The following FRMD4B variants were observed in gnomAD, a reference collection of about 807,000 sequenced individuals.
The protein encoded by FRMD4B is FERM domain containing 4B.
A neutral mutation model predicts 141.5 loss-of-function variants in FRMD4B; 74 were observed. That is an observed-to-expected ratio of 0.52 (90% confidence interval 0.43 to 0.63). The LOEUF (loss-of-function observed/expected upper bound fraction) is 0.63, where lower values mean the gene tolerates loss of function less well. Among genes scored for constraint, FRMD4B ranks in the 30% least tolerant of loss-of-function variants. The pLI is 0.00. For synonymous variants in FRMD4B, 506 were observed against 467.9 expected (o/e 1.08, Z -1.05); for missense variants, 1,366 against 1,253.4 (o/e 1.09, Z -1.36).
chr3:69,236,674 G>A (rs1295982501), intron 7 of FRMD4B, among the ~76,000 whole-genome samples: 1 of 152,078 alleles, frequency 6.6e-6, no homozygotes, highest in Non-Finnish European at 1.5e-5. Flanking sequence ...ACCACACAAG[G>A]TATTCCTGAA....
At chr3:69,459,643 A>C (rs1050626049) in intron 1 of FRMD4B, among the ~76,000 whole-genome samples, 2 of 152,194 alleles carry the variant, frequency 1.3e-5, no homozygotes, top group African/African-American at 4.8e-5. Flanking sequence ...TAGCCATGTG[A>C]CCTTGGGCAA....
intron 4 of FRMD4B, among the ~76,000 whole-genome samples, chr3:69,301,108 A>C (rs985250357): frequency 6.6e-6 from 1 of 152,054 alleles, no homozygotes; most frequent in Non-Finnish European, 1.5e-5. Context: ...TACACACCCA[A>C]GGAAAGATCT....
chr3:69,263,215 C>T (rs1407116704), intron 5 of FRMD4B, among the ~76,000 whole-genome samples: 2 of 151,890 alleles, frequency 1.3e-5, no homozygotes, highest in African/African-American at 4.8e-5. Context: ...CGAGTTTGTG[C>T]CACTGCACTC....
intron 11 of FRMD4B, among the ~76,000 whole-genome samples, chr3:69,215,988 T>C (rs2093136252): frequency 6.6e-6 from 1 of 152,128 alleles, no homozygotes; most frequent in Non-Finnish European, 1.5e-5. Flanking sequence ...ACCCCGTCTC[T>C]ACTAAAAGTA....
chr3:69,389,898 T>TTTTC (rs1287216959), upstream of FRMD4B, among the ~76,000 whole-genome samples: 1 of 128,574 alleles, frequency 7.8e-6, no homozygotes, highest in Non-Finnish European at 1.7e-5. Flanking sequence ...TTGTCTTGCT[T>TTTTC]TTTCTTTCTT....
chr3:69,483,814 T>C (rs1219832868), intron 1 of FRMD4B, among the ~76,000 whole-genome samples: 1 of 152,186 alleles, frequency 6.6e-6, no homozygotes, highest in Non-Finnish European at 1.5e-5. Context: ...GATGACCTTA[T>C]CAAAAGCCCC....
chr3:69,308,846 C>T (rs1701479401), intron 3 of FRMD4B, among the ~76,000 whole-genome samples: 1 of 152,134 alleles, frequency 6.6e-6, no homozygotes, highest in Non-Finnish European at 1.5e-5. Context: ...TTTTGCAGAA[C>T]TGGCTCTTGC....
At chr3:69,383,189 G>A (rs1704160422) in intron 1 of FRMD4B, among the ~76,000 whole-genome samples, 1 of 152,092 alleles carries the variant, frequency 6.6e-6, no homozygotes, top group Non-Finnish European at 1.5e-5. Flanking sequence ...GTCATACATA[G>A]GCAAAGACTG....
chr3:69,337,058 C>T (rs546686351), intron 1 of FRMD4B, among the ~76,000 whole-genome samples: 1 of 152,286 alleles, frequency 6.6e-6, no homozygotes, highest in South Asian at 2.1e-4. Context: ...TCAAACTATA[C>T]TACAAGGCTA....
intron 5 of FRMD4B, among the ~76,000 whole-genome samples, chr3:69,285,840 T>C (rs544869388): frequency 1.4e-5 from 2 of 147,694 alleles, no homozygotes; most frequent in South Asian, 4.3e-4. Context: ...CGAGACTCCA[T>C]CTCAAAAAGA....
chr3:69,460,656 C>T (rs1262690120), intron 1 of FRMD4B, among the ~76,000 whole-genome samples: 1 of 152,172 alleles, frequency 6.6e-6, no homozygotes, highest in African/African-American at 2.4e-5. Flanking sequence ...CACAACTACT[C>T]AGACTTGACT....
intron 1 of FRMD4B, among the ~76,000 whole-genome samples, chr3:69,368,448 A>T (rs1254045419): frequency 1.3e-5 from 2 of 152,224 alleles, no homozygotes; most frequent in African/African-American, 4.8e-5. Flanking sequence ...TGAGGAAGGC[A>T]CTGTGGTTTC....
At chr3:69,506,715 G>T (rs966637953) in intron 1 of FRMD4B, among the ~76,000 whole-genome samples, 4 of 151,584 alleles carry the variant, frequency 2.6e-5, no homozygotes, top group South Asian at 2.1e-4. Flanking sequence ...AATTTTTTTG[G>T]GGGGGGTGGG....
chr3:69,457,753 C>T (rs1208669421), intron 1 of FRMD4B, among the ~76,000 whole-genome samples: 1 of 152,224 alleles, frequency 6.6e-6, no homozygotes, highest in Non-Finnish European at 1.5e-5. Flanking sequence ...AAGAAGTTTT[C>T]TGGCTTAGTA....
At chr3:69,482,176 G>T (rs9872210) in intron 1 of FRMD4B, among the ~76,000 whole-genome samples, 3,750 of 152,246 alleles carry the variant, frequency 0.025, 173 homozygotes, top group African/African-American at 0.085. Flanking sequence ...GTAGTTCAAT[G>T]CCCCAATCTA....
At chr3:69,268,293 T>C (rs1205786153) in intron 5 of FRMD4B, among the ~76,000 whole-genome samples, 1 of 151,998 alleles carries the variant, frequency 6.6e-6, no homozygotes, top group Non-Finnish European at 1.5e-5. Context: ...TGTTAGGCGA[T>C]GCAAGACAGG....
At chr3:69,351,242 A>G (rs946867046) in intron 1 of FRMD4B, among the ~76,000 whole-genome samples, 3 of 152,202 alleles carry the variant, frequency 2.0e-5, no homozygotes, top group Non-Finnish European at 2.9e-5. Context: ...TTAGGAAAAT[A>G]TTGCATTTAA....
At chr3:69,222,065 G>A (rs1298695458) in intron 8 of FRMD4B, 142 bp from the exon 9 acceptor site, 6 of 621,586 alleles carry the variant, frequency 9.7e-6, no homozygotes, top group African/African-American at 9.2e-5. Flanking sequence ...TTTGGCTTTT[G>A]TTTCTGTAGG....
At position 69,479,921 on chromosome 3, in the gene FRMD4B, T is replaced by G. The variant is rs566733177; in HGVS notation, c.-128-47160A>C. 1.4e-4 allele frequency among the ~76,000 whole-genome samples: 22 copies of G among 152,308 alleles called. No homozygotes were observed. The East Asian group carries it at 2.3e-3, about 16-fold the overall frequency. On this transcript the variant is annotated intron_variant, in intron 1 of 5. Transcript: ENST00000459638. ...TTGTTCGTTTCTTTTTATTCTTTTT[T>G]CTCTAAACTTCCCTTCTCGCTTCAT... is the stretch of plus-strand genomic sequence containing the variant.
Sources: allele counts gnomAD v4.1 joint callset (sites outside exome capture counted in the v4.1 genomes callset), GRCh38; gene constraint gnomAD v4.1.1; transcripts MANE v1.5; gene names NCBI Gene and HGNC (gene_info 2026-07-23, HGNC 2026-07-21).